The following SNAP91 variants were observed in gnomAD, a reference collection of about 807,000 sequenced individuals.
SNAP91 encodes the protein synaptosome associated protein 91, also known as clathrin coat assembly protein AP180.
SNAP91 carries 27 observed loss-of-function variants against 100.3 expected under a neutral mutation model. The observed-to-expected ratio is 0.27, with a 90% CI of 0.20 to 0.37. The LOEUF (loss-of-function observed/expected upper bound fraction) is 0.37. SNAP91 is among the 10% of genes least tolerant of loss of function. SNAP91 has a pLI of 1.00. For synonymous variants in SNAP91, 404 were observed against 398.6 expected, an observed-to-expected ratio of 1.01 and a Z score of -0.16; for missense variants, 986 against 1,123.7, an observed-to-expected ratio of 0.88 and a Z score of 1.75.
intron 13 of SNAP91, among the ~76,000 whole-genome samples, chr6:83,607,385 AC>A (rs2095696465): frequency 1.3e-5 from 2 of 149,692 alleles, no homozygotes; most frequent in South Asian, 4.2e-4. Flanking sequence ...ATTTTAAAAT[AC>A]CTTTTGAATC....
rs1053943735 is a variant in SNAP91, at chr6:83,641,053, T to G, written c.765+43A>C. On this transcript the variant is annotated intron_variant, in intron 8 of 29. Coordinates refer to ENST00000369694, the MANE Select transcript of SNAP91 (RefSeq NM_001242792.2). Reference sequence around the variant, plus strand: ...TATATACTCCAGATACATGAGCAAATATTTAAAAAATTATATTCCCAAGAA... The same window carrying G: ...TATATACTCCAGATACATGAGCAAAGATTTAAAAAATTATATTCCCAAGAA... 7 of 1,141,488 alleles carry G rather than the reference T, an allele frequency of 6.1e-6. No homozygotes were observed. The Admixed American group carries it at 1.6e-4, about 26-fold the overall frequency. 70.7% of individuals were successfully genotyped at this position (1,141,488 alleles called of 1,614,324 possible).
chr6:83,621,197 G>A (rs2096714285), intron 9 of SNAP91, among the ~76,000 whole-genome samples: 1 of 152,072 alleles, frequency 6.6e-6, no homozygotes, highest in African/African-American at 2.4e-5. Context: ...CCACTTATAA[G>A]TGAGAACATG....
chr6:83,684,761 A>T (rs1587467579), intron 2 of SNAP91, among the ~76,000 whole-genome samples: 2 of 152,246 alleles, frequency 1.3e-5, no homozygotes, highest in East Asian at 3.9e-4. Flanking sequence ...CAAGTCTTGG[A>T]GCTCTGTTAT....
chr6:83,582,237 A>G lies in SNAP91; in HGVS notation c.2134T>C (p.Ser712Pro), dbSNP rs201039955. 2.1e-4 allele frequency: 340 copies of G among 1,613,700 alleles called. No homozygotes were observed. Among genetic ancestry groups the G allele is most frequent in the Admixed American group, 3.0e-4 (18 of 60,002 alleles). The change falls in exon 23 of 30, where the codon TCC (serine) becomes CCC (proline). Residue 712 changes from serine (S) to proline (P), a missense_variant. Physicochemically the swap from Ser to Pro is moderately conservative, Grantham distance 74. This residue lies in a region of SNAP91 where 575 missense variants were observed against 579.9 expected (regional missense o/e 0.99). Coordinates refer to ENST00000369694, the MANE Select transcript of SNAP91 (RefSeq NM_001242792.2). ...ACTGCCTCACCTGATGGATCAAAGGAGCTGCTGCTGGAAGTTGAAGGCGTT... is the reference window on the plus strand; with the variant it reads ...ACTGCCTCACCTGATGGATCAAAGGGGCTGCTGCTGGAAGTTGAAGGCGTT... ...GTTPSTSSSS[S>P]FDPSVFDGLG...
chr6:83,639,583 G>GT (rs1438041370), intron 8 of SNAP91, among the ~76,000 whole-genome samples: 1 of 152,014 alleles, frequency 6.6e-6, no homozygotes, highest in African/African-American at 2.4e-5. Flanking sequence ...ATGGCCTCAG[G>GT]TGGGCTTGTG....
chr6:83,563,181 T>C (rs1164124983), intron 26 of SNAP91, among the ~76,000 whole-genome samples: 1 of 152,176 alleles, frequency 6.6e-6, no homozygotes. Context: ...AAAAACACAC[T>C]GTAAACAGCA....
At position 83,557,729 on chromosome 6, in the gene SNAP91, A is replaced by AT. The variant is rs570594674; in HGVS notation, c.2632-1485dup. 1.6e-4 allele frequency among the ~76,000 whole-genome samples: 24 copies of AT among 152,150 alleles called. 1 individual carries two copies. In the South Asian group the frequency reaches 4.8e-3, roughly 30 times the overall value. ...CAACAAAAAACCTGGGATCTGTTTC[A>AT]TAGAGAGAGATATATATATAAATAA... On this transcript the variant is annotated intron_variant, in intron 28 of 29. Coordinates refer to ENST00000369694, the MANE Select transcript of SNAP91 (RefSeq NM_001242792.2).
chr6:83,616,547 A>C (rs1213048605), intron 10 of SNAP91, among the ~76,000 whole-genome samples: 4 of 152,102 alleles, frequency 2.6e-5, no homozygotes, highest in Admixed American at 1.3e-4. Flanking sequence ...GAGTCCAAAA[A>C]ACTATACTTG....
At chr6:83,675,271 C>T (rs2098845015) in intron 2 of SNAP91, among the ~76,000 whole-genome samples, 1 of 152,072 alleles carries the variant, frequency 6.6e-6, no homozygotes, top group African/African-American at 2.4e-5. Context: ...CAAATAAATG[C>T]TTTAAATAGA....
In SNAP91 at chr6:83,593,639, G is replaced by A. The variant is rs2094109747; in HGVS notation, c.1535C>T (p.Ala512Val). The change falls in exon 18 of 30, where the codon GCT becomes GTT. Residue 512 changes from alanine (A) to valine (V), a missense_variant. Around this residue, in one of 4 missense-constraint regions of SNAP91, gnomAD observed 575 missense variants for 579.9 expected, o/e 0.99. Transcript: ENST00000369694. ...ETSVPVVTPT[A>V]STAPPVPATA... ...TGCGGGAACTGGAGGGGCTGTGCTA[G>A]CTGTAGGGGTAACTACAGGAACACT... 1 of 1,613,164 alleles carries A rather than the reference G, an allele frequency of 6.2e-7. No homozygotes were observed. Among genetic ancestry groups the A allele is most frequent in the East Asian group, 2.2e-5 (1 of 44,864 alleles).
intron 8 of SNAP91, among the ~76,000 whole-genome samples, chr6:83,635,463 G>A (rs906008585): frequency 1.3e-5 from 2 of 151,810 alleles, no homozygotes; most frequent in Non-Finnish European, 2.9e-5. Flanking sequence ...TTTTTTTACT[G>A]TTGTTGGTTT....
chr6:83,671,904 T>G (rs1024866914), intron 2 of SNAP91, among the ~76,000 whole-genome samples: 1 of 152,078 alleles, frequency 6.6e-6, no homozygotes, highest in African/African-American at 2.4e-5. Context: ...CTCTATAAAC[T>G]CTTCTCTGAG....
intron 2 of SNAP91, among the ~76,000 whole-genome samples, chr6:83,704,242 G>A (rs900175897): frequency 7.9e-5 from 12 of 152,174 alleles, no homozygotes; most frequent in African/African-American, 2.9e-4. Flanking sequence ...AGGGAAAGGA[G>A]GCGAGGATGT....
chr6:83,601,128 G>C, intron 16 of SNAP91, 143 bp downstream of exon 16: 1 of 691,132 alleles, frequency 1.4e-6, no homozygotes, highest in Non-Finnish European at 2.4e-6. Flanking sequence ...ATTTAGTGAA[G>C]ATAAATATAC....
intron 22 of SNAP91, among the ~76,000 whole-genome samples, chr6:83,584,718 A>G (rs2092041368): frequency 6.6e-6 from 1 of 152,212 alleles, no homozygotes; most frequent in Non-Finnish European, 1.5e-5. Context: ...TCTAATCCTT[A>G]TAACAACCCC....
chr6:83,643,182 T>C (rs539835340), intron 7 of SNAP91, among the ~76,000 whole-genome samples: 1 of 152,286 alleles, frequency 6.6e-6, no homozygotes, highest in African/African-American at 2.4e-5. Flanking sequence ...GTGCAGAAGC[T>C]CTTTAGTTTA....
chr6:83,706,218 A>C (rs1028173189), intron 2 of SNAP91, among the ~76,000 whole-genome samples: 17 of 152,384 alleles, frequency 1.1e-4, no homozygotes, highest in Admixed American at 1.1e-3. Context: ...ATCAGCATGT[A>C]GCAAATTCAT....
intron 20 of SNAP91, 109 bp downstream of exon 20, chr6:83,592,837 A>T: frequency 1.2e-6 from 1 of 838,280 alleles, no homozygotes; most frequent in Non-Finnish European, 1.9e-6. Context: ...CTTTTGAAGT[A>T]CATTTTAAAT....
At chr6:83,558,597 A>G (rs1460011648) in intron 28 of SNAP91, among the ~76,000 whole-genome samples, 2 of 152,244 alleles carry the variant, frequency 1.3e-5, no homozygotes, top group African/African-American at 2.4e-5. Flanking sequence ...GAACAGGTCA[A>G]TGGATTTAGA....
Sources: gnomAD v4.1 joint callset for allele counts (sites outside exome capture counted in the v4.1 genomes callset) on GRCh38, gnomAD v4.1.1 for gene constraint, gnomAD v4.1.1 regional missense constraint, MANE v1.5 for transcripts, NCBI Gene and HGNC (gene_info 2026-07-23, HGNC 2026-07-21) for gene names.